The following FLT1 variants were observed in gnomAD, a reference collection of about 807,000 sequenced individuals.
The protein encoded by FLT1 is vascular endothelial growth factor receptor 1.
FLT1 carries 49 observed loss-of-function variants against 156.3 expected under a neutral mutation model. That is an observed-to-expected ratio of 0.31 (90% confidence interval 0.25 to 0.40). The LOEUF is 0.40. FLT1 is among the 10% of genes least tolerant of loss of function. The pLI, the probability that FLT1 is intolerant of heterozygous loss-of-function variation, is 1.00. For missense variants in FLT1, 1,322 were observed against 1,637.2 expected, an observed-to-expected ratio of 0.81 and a Z score of 3.32; for synonymous variants, 594 against 583.8, an observed-to-expected ratio of 1.02 and a Z score of -0.25.
intron 1 of FLT1, among the ~76,000 whole-genome samples, chr13:28,480,924 T>C (rs993283483): frequency 1.3e-5 from 2 of 152,218 alleles, no homozygotes; most frequent in Non-Finnish European, 1.5e-5. Flanking sequence ...AGGGAATGAA[T>C]GAGGACTGTC....
chr13:28,387,537 T>C lies in FLT1; in HGVS notation c.1969+2259A>G, dbSNP rs1313936581. On this transcript the variant is annotated intron_variant, in intron 13 of 29. Coordinates refer to ENST00000282397, the MANE Select transcript of FLT1 (RefSeq NM_002019.4). ...TCTGCTGGTTATCAGTAGCCAAAGATAGCTGCCCACCAGGTTCTTTCACTT... is the reference window on the plus strand; with the variant it reads ...TCTGCTGGTTATCAGTAGCCAAAGACAGCTGCCCACCAGGTTCTTTCACTT... The C allele has an allele frequency of 3.8e-6, 4 of 1,062,524 alleles. No individual in the cohort carries two copies. The Admixed American group carries it at 1.6e-4, about 43-fold the overall frequency. The allele number at this position is 1,062,524 out of a possible 1,614,324, so 65.8% of individuals were successfully genotyped here.
chr13:28,409,459 C>A (rs182011170), intron 10 of FLT1, among the ~76,000 whole-genome samples: 1 of 151,890 alleles, frequency 6.6e-6, no homozygotes, highest in Admixed American at 6.6e-5. Flanking sequence ...TTCAGCCTTC[C>A]GAGTAGCTGG....
At position 28,389,920 on chromosome 13, in the gene FLT1, G is replaced by A. The variant is rs969695362; in HGVS notation, c.1845C>T (p.His615=). 5 of 1,614,064 alleles carry A rather than the reference G, an allele frequency of 3.1e-6. No homozygotes were observed. The African/African-American group carries it at 5.3e-5, about 17-fold the overall frequency. ...TGATGGTAAGATTAAGAGTGATGGAGTGCTCCTTAGTGATGGCCATTTTTT... is the reference window on the plus strand; with the variant it reads ...TGATGGTAAGATTAAGAGTGATGGAATGCTCCTTAGTGATGGCCATTTTTT... ...SKQKMAITKE[H]SITLNLTIMN... is the part of the protein sequence containing the mutation. Residue 615 remains histidine, a synonymous_variant, in exon 13 of 30, where the codon CAC becomes CAT. Coordinates refer to ENST00000282397, the MANE Select transcript of FLT1 (RefSeq NM_002019.4).
intron 7 of FLT1, among the ~76,000 whole-genome samples, chr13:28,430,757 A>G (rs1426140320): frequency 2.6e-5 from 4 of 152,238 alleles, no homozygotes; most frequent in African/African-American, 9.6e-5. Context: ...ATGATTTAGC[A>G]TACCATATTT....
intron 10 of FLT1, among the ~76,000 whole-genome samples, chr13:28,425,947 G>T (rs1208683525): frequency 6.6e-6 from 1 of 152,124 alleles, no homozygotes; most frequent in African/African-American, 2.4e-5. Context: ...AGTCAAATGA[G>T]AAATCAGATG....
intron 29 of FLT1, among the ~76,000 whole-genome samples, chr13:28,306,143 C>T (rs1285974172): frequency 2.0e-5 from 3 of 152,152 alleles, no homozygotes; most frequent in Non-Finnish European, 4.4e-5. Flanking sequence ...GTGGTGGCCA[C>T]GGCGTGGAGG....
intron 1 of FLT1, among the ~76,000 whole-genome samples, chr13:28,484,937 G>T (rs1040396811): frequency 4.3e-5 from 6 of 140,666 alleles, no homozygotes; most frequent in Non-Finnish European, 7.7e-5. Context: ...GTTGTGGTGT[G>T]GGGGGAGGGG....
At chr13:28,447,359 A>T (rs1432125100) in intron 3 of FLT1, among the ~76,000 whole-genome samples, 7 of 149,856 alleles carry the variant, frequency 4.7e-5, no homozygotes, top group Non-Finnish European at 8.9e-5. Context: ...TTTTTTAAAA[A>T]TTTTTTTGTA....
intron 20 of FLT1, among the ~76,000 whole-genome samples, chr13:28,323,308 G>C (rs982219099): frequency 1.3e-5 from 2 of 152,148 alleles, no homozygotes; most frequent in Non-Finnish European, 2.9e-5. Flanking sequence ...TTTATACATG[G>C]AGAAACAGGT....
Position 28,303,330 on chromosome 13 carries a change from G to C in FLT1, c.3854C>G (p.Ser1285Cys), listed in dbSNP as rs185016302. 2 of 1,614,122 alleles carry C rather than the reference G, an allele frequency of 1.2e-6. No homozygotes were observed. The highest frequency in any genetic ancestry group is 1.7e-6 in the Non-Finnish European group (2 of 1,180,030). Residue 1285 changes from serine to cysteine, a missense_variant, in exon 30 of 30, where the codon TCT (serine) becomes TGT (cysteine). Transcript: ENST00000282397. ...GCAGAAACTGGGCCTGCTGACATCA[G>C]ACAGCCCCGACTCCTTACTTTTACT... ...VTSKSKESGL[S>C]DVSRPSFCHS...
chr13:28,378,385 C>A (rs1309594544), intron 14 of FLT1, among the ~76,000 whole-genome samples: 1 of 152,144 alleles, frequency 6.6e-6, no homozygotes, highest in Non-Finnish European at 1.5e-5. Flanking sequence ...AGCAGATATT[C>A]ATTGTTTTAA....
At chr13:28,391,266 G>A (rs1565999664) in intron 12 of FLT1, among the ~76,000 whole-genome samples, 1 of 152,260 alleles carries the variant, frequency 6.6e-6, no homozygotes, top group Admixed American at 6.5e-5. Flanking sequence ...GCTAATCTTT[G>A]TTATAAGAAA....
At position 28,427,276 on chromosome 13, in the gene FLT1, T is replaced by G. The variant is rs575779014; in HGVS notation, c.1319A>C (p.Asp440Ala). 6.2e-7 allele frequency: 1 copy of G among 1,613,792 alleles called. No homozygotes were observed. The highest frequency in any genetic ancestry group is 1.3e-5 in the African/African-American group (1 of 74,934). Residue 440 changes from aspartate (D) to alanine (A), a missense_variant, in exon 10 of 30, where the codon GAC becomes GCC. Asp to Ala is a moderately radical substitution (Grantham distance 126). This residue lies in a region of FLT1 where 991 missense variants were observed against 1,254.8 expected (regional missense o/e 0.79). Coordinates refer to ENST00000282397, the MANE Select transcript of FLT1 (RefSeq NM_002019.4). ...IYEKAVSSFP[D>A]PALYPLGSRQ... Reference sequence around the variant, plus strand: ...GCTGCCCAGTGGGTAGAGAGCCGGGTCTGGAAACGATGACACGGCCTTTTC... The same window carrying G: ...GCTGCCCAGTGGGTAGAGAGCCGGGGCTGGAAACGATGACACGGCCTTTTC...
rs78000194 is a variant in FLT1, at chr13:28,367,163, T to C, written c.2117-9478A>G. The stretch of plus-strand genomic sequence containing the variant: ...AGCATGCCAAGCTCACCTCAGAATT[T>C]ATAAAATTCTGTCAGTTAATTTTGT... On this transcript the variant is annotated intron_variant, in intron 14 of 29. Coordinates refer to ENST00000282397, the MANE Select transcript of FLT1 (RefSeq NM_002019.4). 7.5e-3 allele frequency among the ~76,000 whole-genome samples: 1,144 copies of C among 152,306 alleles called. 17 individuals carry two copies. Among genetic ancestry groups the C allele is most frequent in the African/African-American group, 0.026 (1,082 of 41,574 alleles).
chr13:28,382,929 T>C lies in FLT1; in HGVS notation c.2116+1956A>G, dbSNP rs572848223. Among the ~76,000 whole-genome samples the C allele has an allele frequency of 2.2e-4, 34 of 152,348 alleles. 1 individual carries two copies. In the East Asian group the frequency reaches 6.2e-3, roughly 28 times the overall value. ...TGGAGTTGTTATACCACAACCCCAT[T>C]CTGTGCATCAAACTCAAATGGAGGT... is the stretch of plus-strand genomic sequence containing the variant. On this transcript the variant is annotated intron_variant, in intron 14 of 29. Transcript: ENST00000282397.
rs1201829582 is a variant in FLT1, at chr13:28,389,804, G to A, written c.1961C>T (p.Thr654Ile). Reference protein sequence around the residue: ...GEEILQKKEITIRDQEAPYLL... With the variant: ...GEEILQKKEIIIRDQEAPYLL... ...TTTGTTGCAGTGCTCACCTCTGATT[G>A]TAATTTCTTTCTTCTGGAGGATTTC... is the stretch of plus-strand genomic sequence containing the variant. Residue 654 changes from threonine to isoleucine, a missense_variant, in exon 13 of 30, where the codon ACA becomes ATA. Thr to Ile is a moderately conservative substitution (Grantham distance 89, BLOSUM62 -1). Around this residue, in one of 3 missense-constraint regions of FLT1, gnomAD observed 991 missense variants for 1,254.8 expected, o/e 0.79. Coordinates refer to ENST00000282397, the MANE Select transcript of FLT1 (RefSeq NM_002019.4). The A allele has an allele frequency of 6.2e-7, 1 of 1,614,166 alleles. No individual in the cohort carries two copies. Among genetic ancestry groups the A allele is most frequent in the South Asian group, 1.1e-5 (1 of 91,078 alleles).
chr13:28,325,182 C>T (rs534629149), intron 20 of FLT1, among the ~76,000 whole-genome samples: 10 of 152,268 alleles, frequency 6.6e-5, no homozygotes, highest in Admixed American at 4.6e-4. Flanking sequence ...AAACAAAGGA[C>T]GCACAAACCC....
intron 25 of FLT1, among the ~76,000 whole-genome samples, chr13:28,316,488 T>C (rs1195746916): frequency 6.6e-6 from 1 of 152,100 alleles, no homozygotes; most frequent in Non-Finnish European, 1.5e-5. Context: ...GGCCTCAAAG[T>C]GCAAAACATC....
At chr13:28,381,343 G>A (rs1195932180) in intron 14 of FLT1, among the ~76,000 whole-genome samples, 1 of 152,124 alleles carries the variant, frequency 6.6e-6, no homozygotes, top group Non-Finnish European at 1.5e-5. Flanking sequence ...GATCACTTGA[G>A]GTCAGGAGTT....
Sources: gnomAD v4.1 joint callset for allele counts (sites outside exome capture counted in the v4.1 genomes callset) on GRCh38, gnomAD v4.1.1 for gene constraint, gnomAD v4.1.1 regional missense constraint, MANE v1.5 for transcripts, NCBI Gene and HGNC (gene_info 2026-07-23, HGNC 2026-07-21) for gene names.